Variants in EIF3A observed in about 807,000 individuals in gnomAD.
EIF3A encodes eukaryotic translation initiation factor 3 subunit A.
EIF3A carries 21 observed loss-of-function variants against 186.6 expected under a neutral mutation model. That is an observed-to-expected ratio of 0.11 (90% confidence interval 0.08 to 0.16). EIF3A has a LOEUF of 0.16. EIF3A is among the 10% of genes least tolerant of loss of function. The pLI is 1.00. For missense variants in EIF3A, 1,306 were observed against 1,796.3 expected, an observed-to-expected ratio of 0.73 and a Z score of 4.93; for synonymous variants, 563 against 584.3, an observed-to-expected ratio of 0.96 and a Z score of 0.52.
chr10:119,057,092 CTAACA>C (rs1219706248), intron 12 of EIF3A, 52 bp from the exon 13 acceptor site: 1 of 1,004,994 alleles, frequency 1.0e-6, no homozygotes, highest in Non-Finnish European at 1.5e-6. Flanking sequence ...CAAGCAATGC[CTAACA>C]TAACTCACTG....
intron 1 of EIF3A, among the ~76,000 whole-genome samples, chr10:119,075,796 C>A (rs1844161505): frequency 7.6e-6 from 1 of 131,080 alleles, no homozygotes; most frequent in Non-Finnish European, 1.6e-5. Flanking sequence ...TCACTGCAAG[C>A]TCCGCCTCCC....
intron 1 of EIF3A, 31 bp downstream of exon 1, chr10:119,080,597 C>T: frequency 6.4e-7 from 1 of 1,567,524 alleles, no homozygotes; most frequent in Non-Finnish European, 8.6e-7. Flanking sequence ...TCGGGCCGCC[C>T]CAGCCCGGCG....
chr10:119,051,355 C>CTT (rs199678201), intron 14 of EIF3A, 34 bp from the exon 15 acceptor site: 62 of 1,360,128 alleles, frequency 4.6e-5, no homozygotes, highest in African/African-American at 1.8e-4. Flanking sequence ...TTTCAATGCA[C>CTT]TTTTTTTTTT....
At chr10:119,080,525 C>T (rs1302779831) in intron 1 of EIF3A, 103 bp downstream of exon 1, 4 of 1,439,258 alleles carry the variant, frequency 2.8e-6, no homozygotes, top group African/African-American at 1.5e-5. Flanking sequence ...GGTCTCCTCT[C>T]CCCGCGCGGG....
At chr10:119,073,213 C>T (rs1009324364) in intron 3 of EIF3A, among the ~76,000 whole-genome samples, 160 bp from the exon 4 acceptor site, 1 of 152,204 alleles carries the variant, frequency 6.6e-6, no homozygotes, top group African/African-American at 2.4e-5. Flanking sequence ...TCCCAATCTG[C>T]ATTATGTTCA....
intron 17 of EIF3A, among the ~76,000 whole-genome samples, chr10:119,045,446 A>G (rs936631724): frequency 5.3e-5 from 8 of 152,230 alleles, no homozygotes; most frequent in South Asian, 2.1e-4. Flanking sequence ...AAATAGAAAC[A>G]TAACAGTCAA....
chr10:119,036,059 A>G lies in EIF3A; in HGVS notation c.4129T>C (p.Trp1377Arg). 1 of 1,613,814 alleles carries G rather than the reference A, an allele frequency of 6.2e-7. No individual in the cohort carries two copies. The highest frequency in any genetic ancestry group is 2.2e-5 in the East Asian group (1 of 44,888). Residue 1377 changes from tryptophan (W) to arginine (R), a missense_variant, in exon 22 of 22, where the codon TGG becomes CGG. Around this residue, in one of 8 missense-constraint regions of EIF3A, gnomAD observed 331 missense variants for 365.8 expected, o/e 0.90. Transcript: ENST00000369144. ...RTKNETDEDG[W>R]TTVRR ...GAGACTTAACGTCGTACTGTGGTCC[A>G]TCCATCTTCATCAGTCTCATTTTTA...
At chr10:119,056,336 A>G (rs74157624) in intron 14 of EIF3A, among the ~76,000 whole-genome samples, 10,930 of 152,220 alleles carry the variant, frequency 0.072, 781 homozygotes, top group African/African-American at 0.19. Flanking sequence ...GCGGTTGCCT[A>G]GGGCTGGGGT....
At chr10:119,073,652 T>C in intron 2 of EIF3A, 75 bp from the exon 3 acceptor site, 1 of 1,572,358 alleles carries the variant, frequency 6.4e-7, no homozygotes, top group Non-Finnish European at 8.6e-7. Context: ...GGCAAATTTT[T>C]AAGAGAAATA....
At chr10:119,040,168 T>C (rs1289641140) in intron 19 of EIF3A, among the ~76,000 whole-genome samples, 9 of 152,138 alleles carry the variant, frequency 5.9e-5, no homozygotes, top group African/African-American at 2.2e-4. Context: ...CAACAACTGC[T>C]CTGGTTATTT....
chr10:119,073,172 C>T lies in EIF3A; in HGVS notation c.378-119G>A, dbSNP rs113837626. 3.9e-5 allele frequency: 36 copies of T among 913,784 alleles called. 1 individual carries two copies. The highest frequency in any genetic ancestry group is 6.7e-4 in the Middle Eastern group (2 of 2,964). 56.6% of individuals were successfully genotyped at this position (913,784 alleles called of 1,614,324 possible). A position where few individuals can be genotyped will look rare whatever the true frequency, so the allele number is the denominator to read the frequency against. ...AAATTCTTCCCACAATATGTACACA[C>T]TGCAAAGGTGTCACTATCTACTCCC... On this transcript the variant is annotated intron_variant, in intron 3 of 21. Coordinates refer to ENST00000369144, the MANE Select transcript of EIF3A (RefSeq NM_003750.4).
intron 7 of EIF3A, among the ~76,000 whole-genome samples, chr10:119,064,419 T>C (rs985902070): frequency 1.3e-5 from 2 of 152,014 alleles, no homozygotes; most frequent in Admixed American, 6.6e-5. Flanking sequence ...GGTGACTAAA[T>C]CATGGGGGCA....
intron 1 of EIF3A, among the ~76,000 whole-genome samples, chr10:119,076,566 CA>C (rs1370160238): frequency 2.4e-5 from 2 of 83,832 alleles, no homozygotes; most frequent in Admixed American, 3.8e-4. Context: ...TCCTTGTTGT[CA>C]GGGGTGGGGG....
chr10:119,077,713 C>A (rs1455091998), intron 1 of EIF3A, among the ~76,000 whole-genome samples: 1 of 151,884 alleles, frequency 6.6e-6, no homozygotes, highest in Non-Finnish European at 1.5e-5. Context: ...CGCCACCACA[C>A]CAGGCTAATA....
chr10:119,071,631 T>C (rs1031477971), intron 4 of EIF3A, among the ~76,000 whole-genome samples: 4 of 152,166 alleles, frequency 2.6e-5, no homozygotes, highest in Admixed American at 6.5e-5. Context: ...CCCTTAAAAA[T>C]AGTTATGTCT....
Position 119,058,178 on chromosome 10 carries a change from C to G in EIF3A, c.1755G>C (p.Leu585=), listed in dbSNP as rs1168141741. 6.2e-7 allele frequency: 1 copy of G among 1,613,964 alleles called. No homozygotes were observed. The highest frequency in any genetic ancestry group is 1.3e-5 in the African/African-American group (1 of 74,922). ...IEERKERLES[L]NIQREKEELE... ...ATTCTTCTTTCTCACGCTGAATATT[C>G]AGACTCTCAAGGCGCTCTTTTCTCT... The change falls in exon 12 of 22, where the codon CTG becomes CTC. Residue 585 remains leucine (L), a synonymous_variant. Coordinates refer to ENST00000369144, the MANE Select transcript of EIF3A (RefSeq NM_003750.4).
chr10:119,074,618 CTT>C (rs530924151), intron 1 of EIF3A, among the ~76,000 whole-genome samples: 5 of 145,566 alleles, frequency 3.4e-5, no homozygotes, highest in African/African-American at 1.3e-4. Flanking sequence ...CTAAAAAATT[CTT>C]TTTTTTTTTA....
intron 18 of EIF3A, 100 bp downstream of exon 18, chr10:119,043,954 C>G (rs546627073): frequency 5.4e-5 from 47 of 872,094 alleles, no homozygotes; most frequent in Non-Finnish European, 8.4e-5. Context: ...TTCTTCATGG[C>G]TCTCCTTTCC....
Position 119,069,450 on chromosome 10 carries a change from G to C in EIF3A, c.946C>G (p.Gln316Glu). The C allele has an allele frequency of 7.3e-7, 1 of 1,365,330 alleles. No individual in the cohort carries two copies. Among genetic ancestry groups the C allele is most frequent in the Non-Finnish European group, 1.0e-6 (1 of 952,660 alleles). 84.6% of individuals were successfully genotyped at this position (1,365,330 alleles called of 1,614,324 possible). ...MRKNLTQDEM[Q>E]RMSTRVLLAT... ...ATCCAAGTATAACATTTTTACCTTT[G>C]CATCTCATCTTGTGTGAGATTCTTT... Residue 316 changes from glutamine (Q) to glutamate (E), a missense_variant, in exon 6 of 22, where the codon CAA becomes GAA. Physicochemically the swap from Gln to Glu is conservative, Grantham distance 29 (BLOSUM62 2). Transcript: ENST00000369144.
Sources: gnomAD v4.1 joint callset for allele counts (sites outside exome capture counted in the v4.1 genomes callset) on GRCh38, gnomAD v4.1.1 for gene constraint, gnomAD v4.1.1 regional missense constraint, MANE v1.5 for transcripts, NCBI Gene and HGNC (gene_info 2026-07-23, HGNC 2026-07-21) for gene names.